TNS3: variants seen among roughly 807,000 people sequenced by gnomAD.
TNS3 encodes the protein tensin 3.
In TNS3, 45 loss-of-function variants were observed where a neutral mutation model predicts 140.9. That is an observed-to-expected ratio of 0.32 (90% confidence interval 0.25 to 0.41). The LOEUF (loss-of-function observed/expected upper bound fraction) is 0.41. TNS3 is among the 10% of genes least tolerant of loss of function. The probability of loss-of-function intolerance (pLI) is 1.00; values close to 1 mark genes in which losing one functional copy is unlikely to be tolerated. For missense variants in TNS3, 1,716 were observed against 1,906.7 expected, an observed-to-expected ratio of 0.90 and a Z score of 1.86; for synonymous variants, 815 against 788.4, an observed-to-expected ratio of 1.03 and a Z score of -0.56.
chr7:47,368,236 A>T, intron 17 of TNS3, 129 bp downstream of exon 17: 1 of 1,011,030 alleles, frequency 9.9e-7, no homozygotes, highest in South Asian at 3.1e-5. Flanking sequence ...CAAGAGTTGA[A>T]ACTGCAAGGG....
At chr7:47,530,276 C>A (rs935231817) in intron 1 of TNS3, among the ~76,000 whole-genome samples, 5 of 152,178 alleles carry the variant, frequency 3.3e-5, no homozygotes, top group African/African-American at 1.2e-4. Context: ...AGATTAGATC[C>A]TGCAGAAGCA....
intron 1 of TNS3, among the ~76,000 whole-genome samples, chr7:47,579,003 C>T (rs1784467416): frequency 6.6e-6 from 1 of 152,130 alleles, no homozygotes; most frequent in South Asian, 2.1e-4. Flanking sequence ...GGAAACGACA[C>T]AACTGTGAGC....
At chr7:47,281,740 A>G (rs994879853) in intron 28 of TNS3, among the ~76,000 whole-genome samples, 2 of 152,230 alleles carry the variant, frequency 1.3e-5, no homozygotes, top group African/African-American at 4.8e-5. Flanking sequence ...CAGAAAAAAG[A>G]CAACTCTGAC....
intron 1 of TNS3, among the ~76,000 whole-genome samples, chr7:47,577,442 C>T (rs2347994): frequency 0.88 from 133,662 of 152,212 alleles, 61,396 homozygotes; most frequent in East Asian, 1. Flanking sequence ...GGCGCACTGG[C>T]TGAGGTAGAC....
chr7:47,374,453 G>A (rs963540100), intron 16 of TNS3, among the ~76,000 whole-genome samples: 1 of 152,170 alleles, frequency 6.6e-6, no homozygotes, highest in Non-Finnish European at 1.5e-5. Context: ...TCTCACCTAT[G>A]AAACTGCTAC....
chr7:47,458,406 A>G (rs997875075), intron 4 of TNS3, among the ~76,000 whole-genome samples: 1 of 152,262 alleles, frequency 6.6e-6, no homozygotes, highest in Non-Finnish European at 1.5e-5. Flanking sequence ...GAAGTGCCTC[A>G]TGAGTCAGTG....
intron 20 of TNS3, among the ~76,000 whole-genome samples, chr7:47,326,895 G>A (rs562582760): frequency 2.0e-5 from 3 of 152,204 alleles, no homozygotes; most frequent in Non-Finnish European, 4.4e-5. Flanking sequence ...TGAGCCACTT[G>A]GGCTTGTCTC....
At chr7:47,352,191 GACAC>G (rs913946966) in intron 17 of TNS3, among the ~76,000 whole-genome samples, 7 of 151,972 alleles carry the variant, frequency 4.6e-5, no homozygotes, top group Non-Finnish European at 1.0e-4. Context: ...GTCACAAGCA[GACAC>G]ACACACTCAT....
intron 28 of TNS3, 62 bp from the exon 29 acceptor site, chr7:47,280,416 T>G: frequency 6.8e-7 from 1 of 1,477,486 alleles, no homozygotes; most frequent in East Asian, 2.3e-5. Context: ...TGATGGGGGA[T>G]GCACTGGGCG....
At chr7:47,393,544 G>A (rs1202153501) in intron 16 of TNS3, among the ~76,000 whole-genome samples, 3 of 152,188 alleles carry the variant, frequency 2.0e-5, no homozygotes, top group East Asian at 1.9e-4. Flanking sequence ...TCCTGAGCTC[G>A]CTCTGAGTCC....
At chr7:47,497,386 A>T (rs1263715283) in intron 3 of TNS3, among the ~76,000 whole-genome samples, 2 of 152,092 alleles carry the variant, frequency 1.3e-5, no homozygotes, top group East Asian at 1.9e-4. Context: ...GTGCTTGGGG[A>T]GCTGTTGAAT....
chr7:47,538,869 C>T (rs564865225), intron 1 of TNS3, among the ~76,000 whole-genome samples: 23 of 152,098 alleles, frequency 1.5e-4, no homozygotes, highest in South Asian at 1.0e-3. Context: ...TCATTTTTTT[C>T]CTATAGCATA....
At chr7:47,341,131 G>C (rs756366025) in intron 20 of TNS3, among the ~76,000 whole-genome samples, 4 of 152,138 alleles carry the variant, frequency 2.6e-5, no homozygotes, top group Non-Finnish European at 4.4e-5. Context: ...ATATATTGCT[G>C]TGTTCTATTT....
intron 1 of TNS3, among the ~76,000 whole-genome samples, chr7:47,571,443 C>T (rs890183348): frequency 5.9e-5 from 9 of 152,264 alleles, no homozygotes; most frequent in African/African-American, 2.2e-4. Context: ...GCTGCACCCA[C>T]GCTGGGGACT....
At chr7:47,438,594 G>C (rs1051199644) in intron 6 of TNS3, among the ~76,000 whole-genome samples, 4 of 152,144 alleles carry the variant, frequency 2.6e-5, no homozygotes, top group African/African-American at 9.7e-5. Flanking sequence ...AGACCAGAAA[G>C]AGGCAGGAGC....
intron 1 of TNS3, chr7:47,579,295 AC>A (rs2152030877): frequency 4.2e-5 from 1 of 23,712 alleles, no homozygotes; most frequent in South Asian, 3.7e-3. Context: ...CTGGGGTCCT[AC>A]AGGAAGGACC....
chr7:47,582,135 C>T (rs1784550623), upstream of TNS3: 2 of 151,636 alleles, frequency 1.3e-5, no homozygotes, highest in South Asian at 4.2e-4. Flanking sequence ...GCCCGTCCTC[C>T]TGGCTGGCTG....
chr7:47,485,108 C>A (rs1431457534), intron 3 of TNS3, among the ~76,000 whole-genome samples: 1 of 152,160 alleles, frequency 6.6e-6, no homozygotes, highest in Non-Finnish European at 1.5e-5. Flanking sequence ...GGGATGTGTG[C>A]GGTGGCATGG....
intron 16 of TNS3, among the ~76,000 whole-genome samples, chr7:47,377,188 T>C (rs1001251708): frequency 1.3e-5 from 2 of 152,198 alleles, no homozygotes; most frequent in Non-Finnish European, 2.9e-5. Flanking sequence ...TGGAGGCTTA[T>C]TGGAATGATG....
Sources: gnomAD v4.1 joint callset for allele counts (sites outside exome capture counted in the v4.1 genomes callset) on GRCh38, gnomAD v4.1.1 for gene constraint, MANE v1.5 for transcripts, NCBI Gene and HGNC (gene_info 2026-07-23, HGNC 2026-07-21) for gene names.